The following LRIG1 variants were observed in gnomAD, a reference collection of about 807,000 sequenced individuals.
The protein encoded by LRIG1 is leucine-rich repeats and immunoglobulin-like domains protein 1.
Under a neutral mutation model 99.2 loss-of-function variants are expected in LRIG1, and 48 were observed. The ratio of observed to expected loss-of-function variants is 0.48; its 90% CI spans 0.38 to 0.62. The LOEUF is 0.62. Among genes scored for constraint, LRIG1 ranks in the 20% least tolerant of loss-of-function variants. The pLI is 0.00. For synonymous variants in LRIG1, 772 were observed against 596.1 expected (o/e 1.29, Z -4.30); for missense variants, 1,646 against 1,434.4 (o/e 1.15, Z -2.38).
At position 66,405,206 on chromosome 3, in the gene LRIG1, G is replaced by A. The variant is rs757356093; in HGVS notation, c.1152C>T (p.Leu384=). 13 of 1,613,970 alleles carry A rather than the reference G, an allele frequency of 8.1e-6. 1 individual carries two copies. In the South Asian group the frequency reaches 1.3e-4, roughly 16 times the overall value. The change falls in exon 9 of 19, where the codon CTC becomes CTT. Residue 384 remains leucine, a synonymous_variant. Coordinates refer to ENST00000273261, the MANE Select transcript of LRIG1 (RefSeq NM_015541.3). ...TSGAFSGLDS[L]SKLTLFGNKI... ...GTGCGGCGGATACTCACAGCTTGCTGAGGCTGTCGAGCCCTGAGAAGGCGC... is the reference window on the plus strand; with the variant it reads ...GTGCGGCGGATACTCACAGCTTGCTAAGGCTGTCGAGCCCTGAGAAGGCGC...
rs147225666 is a variant in LRIG1, at chr3:66,474,894, A to C, written c.219-12385T>G. 4.6e-5 allele frequency among the ~76,000 whole-genome samples: 7 copies of C among 152,364 alleles called. No individual in the cohort carries two copies. In the East Asian group the frequency reaches 1.3e-3, roughly 29 times the overall value. On this transcript the variant is annotated intron_variant, in intron 1 of 18. Transcript: ENST00000273261. ...AAAGGTGGTTAAGAGCCTTGTCAAA[A>C]GTCAATTATCAGTAAACTCTTTTTG...
At chr3:66,489,525 ATGTGTGTGTGTGTG>A (rs56128311) in intron 1 of LRIG1, among the ~76,000 whole-genome samples, 58 of 150,270 alleles carry the variant, frequency 3.9e-4, no homozygotes, top group Admixed American at 2.9e-3. Flanking sequence ...CTTTGTGTGT[ATGTGTGTGTGTGTG>A]TGTGTGTGTG....
chr3:66,418,875 C>A (rs1023114273), intron 3 of LRIG1, among the ~76,000 whole-genome samples: 1 of 152,134 alleles, frequency 6.6e-6, no homozygotes, highest in Non-Finnish European at 1.5e-5. Context: ...CAACTCTGCA[C>A]ACAGAACCTC....
At chr3:66,411,543 G>A (rs1180796338) in intron 6 of LRIG1, among the ~76,000 whole-genome samples, 1 of 152,182 alleles carries the variant, frequency 6.6e-6, no homozygotes, top group African/African-American at 2.4e-5. Flanking sequence ...ACAAAGGGTG[G>A]AGAATGGGTA....
chr3:66,441,676 G>A (rs141646919), intron 3 of LRIG1, among the ~76,000 whole-genome samples: 5 of 152,338 alleles, frequency 3.3e-5, no homozygotes, highest in Non-Finnish European at 7.4e-5. Flanking sequence ...ACACTCCAGA[G>A]TATCATCGAA....
chr3:66,386,571 G>A (rs923048283), intron 12 of LRIG1: 2 of 399,670 alleles, frequency 5.0e-6, no homozygotes, highest in Non-Finnish European at 9.1e-6. Flanking sequence ...TCTCAAACCA[G>A]CCAGCCGGCA....
chr3:66,472,441 C>A (rs77279896), intron 1 of LRIG1, among the ~76,000 whole-genome samples: 1 of 151,982 alleles, frequency 6.6e-6, no homozygotes, highest in South Asian at 2.1e-4. Context: ...AGTCACCACC[C>A]GTAAGTGATG....
intron 1 of LRIG1, among the ~76,000 whole-genome samples, chr3:66,488,385 C>T (rs1245301031): frequency 6.7e-6 from 1 of 150,092 alleles, no homozygotes; most frequent in Non-Finnish European, 1.5e-5. Flanking sequence ...CACTTTGGGA[C>T]GCTGAGGTGG....
chr3:66,461,279 T>C (rs1172338648), intron 2 of LRIG1, among the ~76,000 whole-genome samples: 3 of 152,152 alleles, frequency 2.0e-5, no homozygotes, highest in Admixed American at 6.5e-5. Context: ...CACTCTAGCC[T>C]GGGCAACAGA....
At chr3:66,456,738 C>A (rs1166825592) in intron 2 of LRIG1, among the ~76,000 whole-genome samples, 2 of 152,156 alleles carry the variant, frequency 1.3e-5, no homozygotes, top group African/African-American at 4.8e-5. Flanking sequence ...GTGCGATGAA[C>A]CACAAATACC....
intron 12 of LRIG1, among the ~76,000 whole-genome samples, chr3:66,388,477 T>C (rs1453457907): frequency 6.6e-6 from 1 of 151,980 alleles, no homozygotes; most frequent in Non-Finnish European, 1.5e-5. Context: ...CCAAATTTGA[T>C]GAAAAATGTG....
intron 3 of LRIG1, among the ~76,000 whole-genome samples, chr3:66,429,635 T>TG (rs56087908): frequency 0.022 from 1,112 of 49,882 alleles, 8 homozygotes; most frequent in Non-Finnish European, 0.083. Flanking sequence ...GACACTGTAA[T>TG]GGTGGGCACA....
intron 8 of LRIG1, among the ~76,000 whole-genome samples, chr3:66,406,821 C>A (rs1022224570): frequency 6.6e-6 from 1 of 152,212 alleles, no homozygotes; most frequent in Non-Finnish European, 1.5e-5. Context: ...AGGAGAGACA[C>A]AGGATTCCCT....
At chr3:66,421,633 C>T (rs1702815848) in intron 3 of LRIG1, among the ~76,000 whole-genome samples, 1 of 152,146 alleles carries the variant, frequency 6.6e-6, no homozygotes, top group Non-Finnish European at 1.5e-5. Context: ...TTTCCAGGTG[C>T]CCGGTGCAAG....
intron 1 of LRIG1, among the ~76,000 whole-genome samples, chr3:66,486,324 T>C (rs1000838617): frequency 1.3e-5 from 2 of 152,110 alleles, no homozygotes; most frequent in African/African-American, 4.8e-5. Context: ...GTGGAGTAAA[T>C]TGCCAAGGTC....
intron 12 of LRIG1, among the ~76,000 whole-genome samples, chr3:66,392,207 T>G (rs1162725364): frequency 1.3e-5 from 2 of 152,260 alleles, no homozygotes; most frequent in East Asian, 3.8e-4. Context: ...CACTGATACC[T>G]GGGTTGTGCC....
chr3:66,415,156 A>T (rs1262656943), intron 4 of LRIG1, 93 bp from the exon 5 acceptor site: 1 of 1,299,772 alleles, frequency 7.7e-7, no homozygotes. Flanking sequence ...TGAGTTGGGA[A>T]GATGAGTTAA....
intron 3 of LRIG1, among the ~76,000 whole-genome samples, chr3:66,431,912 T>C (rs1302845227): frequency 6.6e-6 from 1 of 152,126 alleles, no homozygotes; most frequent in Non-Finnish European, 1.5e-5. Context: ...CTCTAGAAGA[T>C]ACACGTAGAA....
Position 66,405,286 on chromosome 3 carries a change from G to A in LRIG1, c.1080-8C>T. On this transcript the variant is annotated splice_polypyrimidine_tract_variant and splice_region_variant and intron_variant, in intron 8 of 18. Transcript: ENST00000273261. ...TCGTTATGGTCCAGATCCCTGGGGA[G>A]AGGACAGAAAGCAGCTCACCGAGCA... 1.2e-6 allele frequency: 2 copies of A among 1,611,828 alleles called. No individual in the cohort carries two copies. The highest frequency in any genetic ancestry group is 1.3e-5 in the African/African-American group (1 of 75,020).
Sources: allele counts gnomAD v4.1 joint callset (sites outside exome capture counted in the v4.1 genomes callset), GRCh38; gene constraint gnomAD v4.1.1; transcripts MANE v1.5; gene names NCBI Gene and HGNC (gene_info 2026-07-23, HGNC 2026-07-21).